DENND2B: variants seen among roughly 807,000 people sequenced by gnomAD.
The protein encoded by DENND2B is DENN domain-containing protein 2B.
A neutral mutation model predicts 116.0 loss-of-function variants in DENND2B; 32 were observed. That is an observed-to-expected ratio of 0.28 (90% CI 0.21 to 0.37). DENND2B has a LOEUF of 0.37. Ranked by LOEUF, DENND2B falls within the 10% of genes least tolerant of loss-of-function variation. The probability of loss-of-function intolerance (pLI) is 1.00; values close to 1 mark genes in which losing one functional copy is unlikely to be tolerated. For missense variants in DENND2B, 1,276 were observed against 1,477.7 expected (o/e 0.86, Z 2.24); for synonymous variants, 588 against 583.9 (o/e 1.01, Z -0.10).
chr11:8,899,111 A>G (rs975177903), intron 1 of DENND2B, among the ~76,000 whole-genome samples: 2 of 152,150 alleles, frequency 1.3e-5, no homozygotes, highest in Admixed American at 1.3e-4. Context: ...GATTACAGAA[A>G]AAGAATCAGT....
intron 1 of DENND2B, among the ~76,000 whole-genome samples, chr11:8,884,847 A>C (rs2063943697): frequency 6.6e-6 from 1 of 152,182 alleles, no homozygotes; most frequent in Non-Finnish European, 1.5e-5. Context: ...CTCAGCCCAT[A>C]AGTCTTCAAT....
chr11:8,822,227 A>C (rs1003493225), intron 4 of DENND2B, among the ~76,000 whole-genome samples: 25 of 152,228 alleles, frequency 1.6e-4, no homozygotes, highest in African/African-American at 6.0e-4. Flanking sequence ...ATGATTGACA[A>C]AAGTTCTATA....
chr11:8,699,242 G>A lies in DENND2B; in HGVS notation c.2869C>T (p.Pro957Ser), dbSNP rs2041054079. Residue 957 changes from proline (P) to serine (S), a missense_variant, in exon 15 of 20, where the codon CCC becomes TCC. Physicochemically the swap from Pro to Ser is moderately conservative, Grantham distance 74. Coordinates refer to ENST00000313726, the MANE Select transcript of DENND2B (RefSeq NM_213618.2). ...TCCACAGGCAGCTCCTTCAGTTTGG[G>A]GAGGGAGCTGGAGAGCAGGCCAACC... ...FLVGLLSSSL[P>S]KLKELPVEEA... 6.3e-7 allele frequency: 1 copy of A among 1,580,210 alleles called. No homozygotes were observed. The highest frequency in any genetic ancestry group is 8.6e-7 in the Non-Finnish European group (1 of 1,168,564).
At chr11:8,710,492 C>A (rs928211966) in intron 11 of DENND2B, among the ~76,000 whole-genome samples, 3 of 151,968 alleles carry the variant, frequency 2.0e-5, no homozygotes, top group Non-Finnish European at 2.9e-5. Context: ...CGATTCGATC[C>A]TGCAACCAGA....
At position 8,707,895 on chromosome 11, in the gene DENND2B, G is replaced by A; in HGVS notation, c.2353-41C>T. 6.3e-7 allele frequency: 1 copy of A among 1,581,208 alleles called. No individual in the cohort carries two copies. The highest frequency in any genetic ancestry group is 8.6e-7 in the Non-Finnish European group (1 of 1,164,006). On this transcript the variant is annotated intron_variant, in intron 11 of 19. Coordinates refer to ENST00000313726, the MANE Select transcript of DENND2B (RefSeq NM_213618.2). The surrounding 1 kb of genome is among the most constrained non-coding windows in gnomAD (Gnocchi z 4.8). ...GAGGAGGAGGAGAGAGACAGACACA[G>A]AGAATGCATGATTACCATTTCTGGC... is the stretch of plus-strand genomic sequence containing the variant.
chr11:8,810,045 T>G, intron 1 of DENND2B: 2 of 114,374 alleles, frequency 1.7e-5, no homozygotes. Context: ...TGAGCTTAAT[T>G]AGCCTTTTTT....
At chr11:8,756,320 A>G (rs1459904054) in intron 1 of DENND2B, among the ~76,000 whole-genome samples, 1 of 152,244 alleles carries the variant, frequency 6.6e-6, no homozygotes, top group Non-Finnish European at 1.5e-5. Flanking sequence ...GAGCCAACTT[A>G]CTAAGAAAGA....
chr11:8,781,551 C>T (rs1355001480), intron 1 of DENND2B, among the ~76,000 whole-genome samples: 11 of 151,998 alleles, frequency 7.2e-5, no homozygotes, highest in Admixed American at 7.2e-4. Context: ...GCAAGCTGGG[C>T]ACTCTCATAT....
At chr11:8,856,983 G>C (rs2063217058) in intron 3 of DENND2B, among the ~76,000 whole-genome samples, 1 of 151,956 alleles carries the variant, frequency 6.6e-6, no homozygotes, top group Non-Finnish European at 1.5e-5. Flanking sequence ...GAACTCCTGG[G>C]CTCAAGCAAT....
chr11:8,776,286 C>T, intron 1 of DENND2B: 1 of 453,608 alleles, frequency 2.2e-6, no homozygotes, highest in Middle Eastern at 3.3e-4. Flanking sequence ...GCCTGGAGTG[C>T]TCTCCTTCTT....
At chr11:8,880,050 A>C (rs968683667) in intron 2 of DENND2B, among the ~76,000 whole-genome samples, 1 of 152,210 alleles carries the variant, frequency 6.6e-6, no homozygotes, top group Admixed American at 6.5e-5. Context: ...TCTATTGCTA[A>C]CTAAGCAGCA....
At chr11:8,718,096 A>AACCCCCCCC in intron 4 of DENND2B, 3 of 65,008 alleles carry the variant, frequency 4.6e-5, no homozygotes, top group Admixed American at 2.4e-4. Context: ...AAGCAGACCC[A>AACCCCCCCC]CCCCCCCACC....
intron 2 of DENND2B, among the ~76,000 whole-genome samples, chr11:8,860,881 C>G (rs1029195721): frequency 6.6e-6 from 1 of 152,046 alleles, no homozygotes; most frequent in Non-Finnish European, 1.5e-5. Context: ...AGAAATAAGC[C>G]AAATACTTAC....
intron 1 of DENND2B, among the ~76,000 whole-genome samples, chr11:8,770,541 T>C (rs2056676262): frequency 6.6e-6 from 1 of 152,214 alleles, no homozygotes; most frequent in Non-Finnish European, 1.5e-5. Context: ...CCCAGAATCC[T>C]CAATTCCAAA....
chr11:8,707,772 C>CT lies in DENND2B; in HGVS notation c.2430+4dup. On this transcript the variant is annotated splice_donor_region_variant and intron_variant, in intron 12 of 19. Transcript: ENST00000313726. The surrounding 1 kb of genome is among the most constrained non-coding windows in gnomAD (Gnocchi z 4.8). ...CGGGGAGGGAAGCCTGCCAGAGCCT[C>CT]TTACCTTGGAAAACAAGCCGAAGCA... 6.2e-7 allele frequency: 1 copy of CT among 1,605,212 alleles called. No individual in the cohort carries two copies. Among genetic ancestry groups the CT allele is most frequent in the Non-Finnish European group, 8.5e-7 (1 of 1,176,208 alleles).
Position 8,715,818 on chromosome 11 carries a change from G to A in DENND2B, c.1630C>T (p.Leu544Phe). Residue 544 changes from leucine (L) to phenylalanine (F), a missense_variant and splice_region_variant, in exon 6 of 20, where the codon CTT becomes TTT. Transcript: ENST00000313726. ...DRKYNSPPTQ[L>F]SLKPNSQSLR... is the part of the protein sequence containing the mutation. ...GACTGGCTGTTGGGTTTCAGGGAAA[G>A]CTGGCGTGGGGGAGAGGACGTGCGA... 6.3e-7 allele frequency: 1 copy of A among 1,596,378 alleles called. No individual in the cohort carries two copies. The highest frequency in any genetic ancestry group is 1.7e-5 in the Admixed American group (1 of 59,472).
Position 8,821,075 on chromosome 11 carries a change from G to A in DENND2B, c.-114-9740C>T, listed in dbSNP as rs552807086. On this transcript the variant is annotated intron_variant, in intron 4 of 6. Transcript: ENST00000524757. ...GCAGAGGTTGCAGTGAGCTGAGATC[G>A]TGTTACTGCATTCCAGCCTGGGCAA... Among the ~76,000 whole-genome samples the A allele has an allele frequency of 4.6e-5, 7 of 150,638 alleles. No individual in the cohort carries two copies. In the East Asian group the frequency reaches 9.7e-4, roughly 21 times the overall value.
chr11:8,755,332 A>G (rs529534145), intron 1 of DENND2B, among the ~76,000 whole-genome samples: 1 of 152,364 alleles, frequency 6.6e-6, no homozygotes, highest in South Asian at 2.1e-4. Flanking sequence ...TTTGGTGCAA[A>G]TAAGTGATTG....
intron 1 of DENND2B, among the ~76,000 whole-genome samples, chr11:8,765,271 T>C (rs1243101140): frequency 6.6e-6 from 1 of 152,220 alleles, no homozygotes; most frequent in African/African-American, 2.4e-5. Context: ...TTGCCTCTTC[T>C]TCCTCCTTTA....
Sources: gnomAD v4.1 joint callset for allele counts (sites outside exome capture counted in the v4.1 genomes callset) on GRCh38, gnomAD v4.1.1 for gene constraint, Gnocchi (gnomAD v3.1) non-coding constraint, MANE v1.5 for transcripts, NCBI Gene and HGNC (gene_info 2026-07-23, HGNC 2026-07-21) for gene names.